MTBP: variants seen among roughly 807,000 people sequenced by gnomAD.
MTBP encodes the protein MDM2 binding protein, also known as mdm2-binding protein.
A neutral mutation model predicts 117.0 loss-of-function variants in MTBP; 101 were observed. The observed-to-expected ratio is 0.86, with a 90% confidence interval of 0.73 to 1.02. MTBP has a LOEUF of 1.02. Ranked by LOEUF, MTBP falls within the 50% of genes least tolerant of loss-of-function variation. The probability of loss-of-function intolerance (pLI) is 0.00; values close to 1 mark genes in which losing one functional copy is unlikely to be tolerated. For synonymous variants in MTBP, 350 were observed against 351.5 expected (o/e 1.00, Z 0.05); for missense variants, 970 against 1,030.9 (o/e 0.94, Z 0.81).
At chr8:120,520,448 G>GA (rs1814992976) in intron 20 of MTBP, among the ~76,000 whole-genome samples, 1 of 152,088 alleles carries the variant, frequency 6.6e-6, no homozygotes, top group Admixed American at 6.6e-5. Flanking sequence ...CTAATAATAT[G>GA]AATTTTGTAT....
At chr8:120,505,411 G>A (rs6987371) in intron 15 of MTBP, among the ~76,000 whole-genome samples, 83,288 of 151,864 alleles carry the variant, frequency 0.55, 25,296 homozygotes, top group Non-Finnish European at 0.67. Context: ...TAAAATCATT[G>A]TATAGCTCCC....
At chr8:120,469,067 A>G (rs1203723654) in intron 10 of MTBP, among the ~76,000 whole-genome samples, 1 of 151,978 alleles carries the variant, frequency 6.6e-6, no homozygotes, top group Non-Finnish European at 1.5e-5. Flanking sequence ...TGTTTTTGAG[A>G]TAGAGTCTCA....
chr8:120,481,762 G>A (rs1814089488), intron 11 of MTBP, among the ~76,000 whole-genome samples: 1 of 152,104 alleles, frequency 6.6e-6, no homozygotes. Flanking sequence ...TAATATATAT[G>A]TACATACGTA....
chr8:120,501,999 C>T (rs142675194), intron 14 of MTBP, among the ~76,000 whole-genome samples: 14 of 152,132 alleles, frequency 9.2e-5, no homozygotes, highest in African/African-American at 1.7e-4. Flanking sequence ...TTGGTTTCTG[C>T]GAGAGAACAT....
chr8:120,453,960 G>T, intron 5 of MTBP, 55 bp downstream of exon 5: 3 of 1,016,788 alleles, frequency 3.0e-6, no homozygotes, highest in South Asian at 1.6e-5. Flanking sequence ...TACACTTTAT[G>T]AATAAATGAT....
intron 11 of MTBP, among the ~76,000 whole-genome samples, chr8:120,487,457 T>A (rs993207602): frequency 6.6e-6 from 1 of 152,260 alleles, no homozygotes; most frequent in Non-Finnish European, 1.5e-5. Context: ...ATTTATGCTA[T>A]TTTTAAGATT....
chr8:120,467,801 A>G (rs1009107851), intron 10 of MTBP, among the ~76,000 whole-genome samples: 1 of 152,190 alleles, frequency 6.6e-6, no homozygotes, highest in Admixed American at 6.5e-5. Context: ...TTTGTAGGGA[A>G]TTATAGTTTG....
chr8:120,518,907 T>A, intron 20 of MTBP, 90 bp downstream of exon 20: 1 of 791,196 alleles, frequency 1.3e-6, no homozygotes, highest in Non-Finnish European at 2.0e-6. Flanking sequence ...TTTTTTATAC[T>A]GAGAGCGTAT....
chr8:120,522,622 G>T (rs1395032847), intron 20 of MTBP, 32 bp from the exon 21 acceptor site: 1 of 1,379,482 alleles, frequency 7.2e-7, no homozygotes, highest in Non-Finnish European at 1.0e-6. Context: ...TTAATGTGCA[G>T]ATTGTAAAAT....
chr8:120,513,540 A>G (rs1357417053), intron 17 of MTBP, among the ~76,000 whole-genome samples: 1 of 152,030 alleles, frequency 6.6e-6, no homozygotes. Context: ...TTTTAAAGAT[A>G]TTTTAAATGG....
chr8:120,485,769 T>C (rs1191773118), intron 11 of MTBP, among the ~76,000 whole-genome samples: 1 of 152,144 alleles, frequency 6.6e-6, no homozygotes, highest in Non-Finnish European at 1.5e-5. Context: ...TCTCCCCCCT[T>C]ATTAGGTTTG....
chr8:120,467,995 G>T (rs938958418), intron 10 of MTBP, among the ~76,000 whole-genome samples: 2 of 152,126 alleles, frequency 1.3e-5, no homozygotes, highest in Non-Finnish European at 2.9e-5. Context: ...ACTCAGTCTG[G>T]CATACTCACA....
At chr8:120,451,150 T>C in intron 3 of MTBP, 21 bp from the exon 4 acceptor site, 1 of 1,588,978 alleles carries the variant, frequency 6.3e-7, no homozygotes, top group Non-Finnish European at 8.6e-7. Context: ...CATTATTTAA[T>C]ACAATCTTTT....
intron 13 of MTBP, among the ~76,000 whole-genome samples, chr8:120,494,416 A>T (rs1045244770): frequency 4.5e-4 from 68 of 152,330 alleles, no homozygotes; most frequent in African/African-American, 1.6e-3. Flanking sequence ...TAGTTTGAAA[A>T]ATCAAGTGAT....
At chr8:120,487,701 C>G (rs1814248351) in intron 11 of MTBP, among the ~76,000 whole-genome samples, 1 of 152,282 alleles carries the variant, frequency 6.6e-6, no homozygotes, top group South Asian at 2.1e-4. Flanking sequence ...TCTCCATTCC[C>G]TCTGTAAAAT....
At chr8:120,459,056 G>T (rs1813530123) in intron 7 of MTBP, among the ~76,000 whole-genome samples, 159 bp from the exon 8 acceptor site, 2 of 151,956 alleles carry the variant, frequency 1.3e-5, no homozygotes, top group African/African-American at 4.8e-5. Flanking sequence ...GTTAAAACAG[G>T]ATGTGTACCT....
At chr8:120,496,657 G>T (rs1324973615) in intron 13 of MTBP, among the ~76,000 whole-genome samples, 4 of 149,318 alleles carry the variant, frequency 2.7e-5, no homozygotes, top group Non-Finnish European at 4.4e-5. Context: ...TAATCCCTTG[G>T]TTTTAACACC....
intron 11 of MTBP, among the ~76,000 whole-genome samples, chr8:120,484,789 T>C (rs4537340): frequency 0.54 from 81,548 of 152,054 alleles, 24,835 homozygotes; most frequent in Non-Finnish European, 0.67. Context: ...ACCCCATACG[T>C]GTTAGCAATC....
At chr8:120,490,187 A>G (rs1489237765) in intron 12 of MTBP, among the ~76,000 whole-genome samples, 3 of 152,322 alleles carry the variant, frequency 2.0e-5, no homozygotes, top group South Asian at 2.1e-4. Context: ...GATCAGGTAG[A>G]AGAAAATGTG....
Sources: allele counts gnomAD v4.1 joint callset (sites outside exome capture counted in the v4.1 genomes callset), GRCh38; gene constraint gnomAD v4.1.1; transcripts MANE v1.5; gene names NCBI Gene and HGNC (gene_info 2026-07-23, HGNC 2026-07-21).